NBPF26: variants seen among roughly 807,000 people sequenced by gnomAD.
NBPF26 encodes the protein NBPF family member NBPF26.
NBPF26 carries 79 observed loss-of-function variants against 119.6 expected under a neutral mutation model. The observed-to-expected ratio is 0.66, with a 90% confidence interval of 0.55 to 0.80. The LOEUF (loss-of-function observed/expected upper bound fraction) is 0.80, where lower values mean the gene tolerates loss of function less well. Ranked by LOEUF, NBPF26 falls within the 30% of genes least tolerant of loss-of-function variation. The pLI is 0.00. For synonymous variants in NBPF26, 299 were observed against 457.7 expected, an observed-to-expected ratio of 0.65 and a Z score of 4.43; for missense variants, 800 against 1,198.2, an observed-to-expected ratio of 0.67 and a Z score of 4.91.
rs1270502026 is a variant in NBPF26, at chr1:120,819,254, A to G, written c.2423+1080A>G. 2.6e-5 allele frequency among the ~76,000 whole-genome samples: 3 copies of G among 117,424 alleles called. 1 individual carries two copies. Among genetic ancestry groups the G allele is most frequent in the Non-Finnish European group, 5.0e-5 (3 of 60,042 alleles). The allele number at this position is 117,424 out of a possible 152,430, so 77.0% of individuals were successfully genotyped here. A position where few individuals can be genotyped will look rare whatever the true frequency, so the allele number is the denominator to read the frequency against. On this transcript the variant is annotated intron_variant, in intron 15 of 29. Transcript: ENST00000620612. ...GTAGTGGCCTTCTTTGTCTCTTTTG[A>G]TCTTTGTTGGTTTAAAGTCTGTTTT...
chr1:120,724,557 G>C lies in NBPF26; in HGVS notation c.73+307G>C, dbSNP rs1282407985. ...CTTTTTCGTAGTGCCAGGGTGCAGG[G>C]AGGTGGGCAGTTTTGCCCTTCAGGT... is the stretch of plus-strand genomic sequence containing the variant. On this transcript the variant is annotated intron_variant, in intron 1 of 29. Coordinates refer to ENST00000620612, the Ensembl canonical transcript of NBPF26. 4.4e-3 allele frequency among the ~76,000 whole-genome samples: 509 copies of C among 116,092 alleles called. 63 individuals carry two copies. Among genetic ancestry groups the C allele is most frequent in the Non-Finnish European group, 6.1e-3 (365 of 59,368 alleles). The allele number at this position is 116,092 out of a possible 152,430, so 76.2% of individuals were successfully genotyped here.
chr1:120,809,360 T>G (rs1453175883), intron 7 of NBPF26, among the ~76,000 whole-genome samples: 4 of 150,200 alleles, frequency 2.7e-5, no homozygotes, highest in Admixed American at 1.3e-4. Context: ...TGTCCCTGAA[T>G]AACACAGCAG....
intron 9 of NBPF26, among the ~76,000 whole-genome samples, chr1:120,811,574 C>A (rs1356493973): frequency 8.9e-6 from 1 of 112,790 alleles, no homozygotes; most frequent in Non-Finnish European, 1.7e-5. Context: ...GAAAATTAAG[C>A]AAAACGAAAT....
At chr1:120,792,863 G>T (rs2101471118) in intron 3 of NBPF26, among the ~76,000 whole-genome samples, 1 of 58,222 alleles carries the variant, frequency 1.7e-5, no homozygotes, top group South Asian at 3.9e-4. Flanking sequence ...AGAGTAGATG[G>T]ATCCAGACTC....
intron 5 of NBPF26, among the ~76,000 whole-genome samples, chr1:120,807,207 G>A (rs1651717275): frequency 1.6e-5 from 2 of 126,624 alleles, no homozygotes; most frequent in Non-Finnish European, 3.2e-5. Context: ...GAAACCATCA[G>A]TCCCATAGTC....
chr1:120,818,014 T>C (rs1274411139), intron 14 of NBPF26, 109 bp from the exon 15 acceptor site: 1 of 496,352 alleles, frequency 2.0e-6, no homozygotes, highest in Non-Finnish European at 3.4e-6. Flanking sequence ...AGAATCCTTA[T>C]TCTTGCACTG....
chr1:120,815,388 C>T lies in NBPF26; in HGVS notation c.2092+345C>T, dbSNP rs1470163567. On this transcript the variant is annotated intron_variant, in intron 12 of 29. Transcript: ENST00000620612. ...AATGAAGGTTCCCAGGCTGTCTTTT[C>T]GACAATGTTCTTAGTAACTGTCAGA... is the stretch of plus-strand genomic sequence containing the variant. Among the ~76,000 whole-genome samples, 14 of 114,642 alleles carry T rather than the reference C, an allele frequency of 1.2e-4. 3 individuals carry two copies. The highest frequency in any genetic ancestry group is 2.1e-4 in the African/African-American group (4 of 18,930). 75.2% of individuals were successfully genotyped at this position (114,642 alleles called of 152,430 possible). A position where few individuals can be genotyped will look rare whatever the true frequency, so the allele number is the denominator to read the frequency against.
chr1:120,724,146 C>A (rs1238513848), exon 1 of NBPF26: 1 of 1,364,290 alleles, frequency 7.3e-7, no homozygotes, highest in Non-Finnish European at 9.5e-7. Flanking sequence ...GCGGCGGCGG[C>A]GGCGGAGGAG....
Position 120,815,177 on chromosome 1 carries a change from G to T in NBPF26, c.2092+134G>T. 7.2e-6 allele frequency: 5 copies of T among 696,700 alleles called. 2 individuals are homozygous for T. Among genetic ancestry groups the T allele is most frequent in the South Asian group, 3.3e-5 (2 of 61,396 alleles). The allele number at this position is 696,700 out of a possible 1,614,324, so 43.2% of individuals were successfully genotyped here. A position where few individuals can be genotyped will look rare whatever the true frequency, so the allele number is the denominator to read the frequency against. On this transcript the variant is annotated intron_variant, in intron 12 of 29. Coordinates refer to ENST00000620612, the Ensembl canonical transcript of NBPF26. ...GCTTATGTGGCCATGACATGACCAGGACTTCTTGGGTAAGAACAGAGATGG... is the reference window on the plus strand; with the variant it reads ...GCTTATGTGGCCATGACATGACCAGTACTTCTTGGGTAAGAACAGAGATGG...
At position 120,769,608 on chromosome 1, in the gene NBPF26, A is replaced by G. The variant is rs1272068635; in HGVS notation, c.155+5899A>G. The stretch of plus-strand genomic sequence containing the variant: ...TTGGCTCATTAAATACCTCTCATAG[A>G]GTAATCTTTTCTTAAAATGTAATGT... On this transcript the variant is annotated intron_variant, in intron 2 of 29. Coordinates refer to ENST00000620612, the Ensembl canonical transcript of NBPF26. Among the ~76,000 whole-genome samples the G allele has an allele frequency of 1.6e-5, 2 of 122,334 alleles. 1 individual carries two copies. The highest frequency in any genetic ancestry group is 3.3e-5 in the Non-Finnish European group (2 of 61,368). The allele number at this position is 122,334 out of a possible 152,430, so 80.3% of individuals were successfully genotyped here. A position where few individuals can be genotyped will look rare whatever the true frequency, so the allele number is the denominator to read the frequency against.
rs1322711979 is a variant in NBPF26, at chr1:120,755,941, T to TG, written c.74-7687_74-7686insG. The stretch of plus-strand genomic sequence containing the variant: ...CGATTTATCTCTTATTGCTTTTTTT[T>TG]TTTTTTTTTTTTTTCCTTTCAATCA... On this transcript the variant is annotated intron_variant, in intron 1 of 29. Transcript: ENST00000620612. 2.8e-3 allele frequency among the ~76,000 whole-genome samples: 267 copies of TG among 94,684 alleles called. 71 individuals carry two copies. The highest frequency in any genetic ancestry group is 0.012 in the African/African-American group (171 of 14,006). The allele number at this position is 94,684 out of a possible 152,430, so 62.1% of individuals were successfully genotyped here. A position where few individuals can be genotyped will look rare whatever the true frequency, so the allele number is the denominator to read the frequency against.
intron 4 of NBPF26, 54 bp from the exon 5 acceptor site, chr1:120,805,502 G>A (rs1214447977): frequency 7.6e-6 from 10 of 1,310,576 alleles, no homozygotes; most frequent in Non-Finnish European, 1.1e-5. Flanking sequence ...TGATTAAACC[G>A]ATTTGATTTC....
downstream of NBPF26, among the ~76,000 whole-genome samples, chr1:120,842,098 C>G (rs1430402620): frequency 9.2e-6 from 1 of 108,394 alleles, no homozygotes; most frequent in Non-Finnish European, 1.7e-5. Flanking sequence ...ACAATTAAAA[C>G]CTTTTGCTAT....
chr1:120,793,155 C>T lies in NBPF26; in HGVS notation c.416-6C>T, dbSNP rs1651511947. On this transcript the variant is annotated splice_polypyrimidine_tract_variant and splice_region_variant and intron_variant, in intron 3 of 29. Transcript: ENST00000620612. ...CCAGTACTGAGTTTTGTTATCCTTC[C>T]TTTAGGTAAGGAGTGCCAATGGACC... 7 of 1,240,896 alleles carry T rather than the reference C, an allele frequency of 5.6e-6. 1 individual carries two copies. Among genetic ancestry groups the T allele is most frequent in the Non-Finnish European group, 7.6e-6 (7 of 925,954 alleles). The allele number at this position is 1,240,896 out of a possible 1,614,324, so 76.9% of individuals were successfully genotyped here. A position where few individuals can be genotyped will look rare whatever the true frequency, so the allele number is the denominator to read the frequency against.
chr1:120,781,750 A>C (rs1651363916), intron 2 of NBPF26, among the ~76,000 whole-genome samples: 1 of 113,532 alleles, frequency 8.8e-6, no homozygotes, highest in South Asian at 2.6e-4. Flanking sequence ...TTTTTAGTAG[A>C]GACAGGACTG....
chr1:120,840,725 A>T (rs1173586474), downstream of NBPF26: 19 of 1,205,082 alleles, frequency 1.6e-5, 2 homozygotes, highest in Non-Finnish European at 2.1e-5. Context: ...CTCTATTCCT[A>T]TTCTCAAACC....
intron 2 of NBPF26, among the ~76,000 whole-genome samples, chr1:120,781,978 C>A (rs1378605378): frequency 9.8e-6 from 1 of 102,114 alleles, no homozygotes; most frequent in East Asian, 2.3e-4. Flanking sequence ...AGCAAATATA[C>A]AATACATAGT....
At chr1:120,840,289 G>C in intron 29 of NBPF26, 61 bp from the exon 36 acceptor site, 2 of 1,443,470 alleles carry the variant, frequency 1.4e-6, no homozygotes, top group Non-Finnish European at 1.8e-6. Flanking sequence ...CTGAAATCTA[G>C]TGGGGCTCTG....
At chr1:120,812,156 A>G (rs1414323725) in intron 10 of NBPF26, 61 bp downstream of exon 10, 1 of 972,856 alleles carries the variant, frequency 1.0e-6, no homozygotes, top group Non-Finnish European at 1.5e-6. Flanking sequence ...TCTCTCTGAG[A>G]CACTAAATGC....
Sources: gnomAD v4.1 joint callset for allele counts (sites outside exome capture counted in the v4.1 genomes callset) on GRCh38, gnomAD v4.1.1 for gene constraint, MANE v1.5 for transcripts, NCBI Gene and HGNC (gene_info 2026-07-23, HGNC 2026-07-21) for gene names.